MAGI2: variants seen among roughly 807,000 people sequenced by gnomAD.
MAGI2 encodes the protein membrane associated guanylate kinase, WW and PDZ domain containing 2.
A neutral mutation model predicts 133.3 loss-of-function variants in MAGI2; 35 were observed. The ratio of observed to expected loss-of-function variants is 0.26; its 90% confidence interval spans 0.20 to 0.35. MAGI2 has a LOEUF of 0.35. MAGI2 is among the 10% of genes least tolerant of loss of function. The pLI, the probability that MAGI2 is intolerant of heterozygous loss-of-function variation, is 1.00. For synonymous variants in MAGI2, 729 were observed against 710.6 expected, an observed-to-expected ratio of 1.03 and a Z score of -0.41; for missense variants, 1,636 against 1,863.4, an observed-to-expected ratio of 0.88 and a Z score of 2.25.
Position 79,365,867 on chromosome 7 carries a change from C to CAAAAAAAAA in MAGI2, c.301+87144_301+87152dup, listed in dbSNP as rs71095399. 5.9e-4 allele frequency among the ~76,000 whole-genome samples: 29 copies of CAAAAAAAAA among 48,862 alleles called. 2 individuals carry two copies. The highest frequency in any genetic ancestry group is 1.9e-3 in the African/African-American group (25 of 13,396). The allele number at this position is 48,862 out of a possible 152,430, so 32.1% of individuals were successfully genotyped here. On this transcript the variant is annotated intron_variant, in intron 1 of 21. Transcript: ENST00000354212. ...GGGTAATAGAGTGAGACTCTTGTCT[C>CAAAAAAAAA]AAAAAAAAAAAAAAAAAAAAAAAGT...
intron 3 of MAGI2, among the ~76,000 whole-genome samples, chr7:78,529,276 T>G (rs1386138152): frequency 6.6e-6 from 1 of 152,204 alleles, no homozygotes; most frequent in African/African-American, 2.4e-5. Flanking sequence ...CTTTGCTAAA[T>G]GTAATTGTCC....
chr7:78,844,099 A>T (rs992394471), intron 2 of MAGI2, among the ~76,000 whole-genome samples: 4 of 150,852 alleles, frequency 2.7e-5, no homozygotes, highest in Non-Finnish European at 5.9e-5. Flanking sequence ...TTTTTTCTGC[A>T]TTTACAGGCA....
At chr7:79,317,972 A>G (rs1266076300) in intron 1 of MAGI2, among the ~76,000 whole-genome samples, 1 of 152,132 alleles carries the variant, frequency 6.6e-6, no homozygotes, top group Non-Finnish European at 1.5e-5. Flanking sequence ...TTTGACCAGT[A>G]TTGATCACTC....
At chr7:78,075,625 C>A (rs376816822) in intron 21 of MAGI2, among the ~76,000 whole-genome samples, 1 of 152,150 alleles carries the variant, frequency 6.6e-6, no homozygotes, top group Non-Finnish European at 1.5e-5. Context: ...ATCTGCCCAC[C>A]TCGGCCTCCC....
intron 1 of MAGI2, among the ~76,000 whole-genome samples, chr7:79,352,519 A>T (rs1161987077): frequency 2.6e-5 from 4 of 152,166 alleles, no homozygotes; most frequent in African/African-American, 7.2e-5. Flanking sequence ...AGAAGCCCAG[A>T]CTCTGCTAAG....
intron 2 of MAGI2, among the ~76,000 whole-genome samples, chr7:78,949,264 C>A (rs1371948672): frequency 1.3e-5 from 2 of 152,084 alleles, no homozygotes; most frequent in African/African-American, 4.8e-5. Context: ...ATGTCTAGAG[C>A]ATAATAGAGT....
intron 21 of MAGI2, among the ~76,000 whole-genome samples, chr7:78,052,062 A>G (rs10236696): frequency 0.28 from 42,769 of 151,592 alleles, 7,297 homozygotes; most frequent in African/African-American, 0.49. Context: ...GTGGAGATGG[A>G]GTTTTGCCAT....
chr7:78,048,261 G>C (rs776805681), intron 21 of MAGI2, among the ~76,000 whole-genome samples: 14 of 152,202 alleles, frequency 9.2e-5, no homozygotes, highest in Non-Finnish European at 2.1e-4. Context: ...TGGGTTTATT[G>C]CTTTGCTTTT....
intron 1 of MAGI2, among the ~76,000 whole-genome samples, chr7:79,380,445 G>T (rs964348398): frequency 2.6e-5 from 4 of 151,788 alleles, no homozygotes; most frequent in South Asian, 4.1e-4. Context: ...GCAAAAGGAC[G>T]ATGCACATTA....
intron 2 of MAGI2, among the ~76,000 whole-genome samples, chr7:78,649,222 T>TAAAAAAA (rs1361378575): frequency 3.6e-4 from 16 of 45,036 alleles, no homozygotes; most frequent in East Asian, 1.5e-3. Flanking sequence ...TGACTTGTGG[T>TAAAAAAA]AAAAAAAAAA....
At position 78,132,939 on chromosome 7, in the gene MAGI2, G is replaced by T. The variant is rs746514736; in HGVS notation, c.3153C>A (p.Ile1051=). The change falls in exon 18 of 22, where the codon ATC becomes ATA. Residue 1051 remains isoleucine (I), a synonymous_variant. Transcript: ENST00000354212. ...QPSPATPNSP[I]AQPAPPQPLQ... is the part of the protein sequence containing the mutation. ...GTGGTTGAGGTGGTGCTGGCTGGGCGATGGGGCTGTTGGGGGTGGCTGGGC... is the reference window on the plus strand; with the variant it reads ...GTGGTTGAGGTGGTGCTGGCTGGGCTATGGGGCTGTTGGGGGTGGCTGGGC... 1 of 1,613,856 alleles carries T rather than the reference G, an allele frequency of 6.2e-7. No individual in the cohort carries two copies. The highest frequency in any genetic ancestry group is 8.5e-7 in the Non-Finnish European group (1 of 1,179,890).
chr7:78,634,345 T>C (rs1259961192), intron 2 of MAGI2, among the ~76,000 whole-genome samples: 1 of 152,158 alleles, frequency 6.6e-6, no homozygotes, highest in African/African-American at 2.4e-5. Context: ...CAAAACCTGA[T>C]TAGTAAGTAG....
chr7:78,070,985 T>G (rs1814626865), intron 21 of MAGI2, among the ~76,000 whole-genome samples: 1 of 152,136 alleles, frequency 6.6e-6, no homozygotes, highest in Non-Finnish European at 1.5e-5. Context: ...GTCTAATATA[T>G]TTTTATCAGA....
rs186765695 is a variant in MAGI2 at position 78,826,309 on chromosome 7, G to A, written c.418+180781C>T. Among the ~76,000 whole-genome samples, 905 of 146,822 alleles carry A rather than the reference G, an allele frequency of 6.2e-3. 5 individuals carry two copies. Among genetic ancestry groups the A allele is most frequent in the Non-Finnish European group, 8.0e-3 (537 of 67,374 alleles). On this transcript the variant is annotated intron_variant, in intron 2 of 21. Coordinates refer to ENST00000354212, the MANE Select transcript of MAGI2 (RefSeq NM_012301.4). ...GCGGAGCTTGCAGTAAGCCGAGATC[G>A]CGCCACTGCACTCAGCCTAGGCGAC...
chr7:78,456,479 A>T (rs1023632083), intron 6 of MAGI2, among the ~76,000 whole-genome samples: 3 of 152,190 alleles, frequency 2.0e-5, no homozygotes, highest in Non-Finnish European at 2.9e-5. Flanking sequence ...CACATACTCT[A>T]GGCTAAGCAT....
intron 6 of MAGI2, among the ~76,000 whole-genome samples, chr7:78,470,242 T>G (rs1791056980): frequency 6.6e-6 from 1 of 152,168 alleles, no homozygotes; most frequent in Non-Finnish European, 1.5e-5. Flanking sequence ...TCTTTGTAAG[T>G]AATATGCTAC....
At chr7:78,699,413 T>C (rs1249493282) in intron 2 of MAGI2, among the ~76,000 whole-genome samples, 2 of 152,134 alleles carry the variant, frequency 1.3e-5, no homozygotes, top group Non-Finnish European at 2.9e-5. Context: ...AAACTTTGTT[T>C]CATGCACAAA....
chr7:78,973,548 C>CTT (rs1240966857), intron 2 of MAGI2, among the ~76,000 whole-genome samples: 145 of 145,000 alleles, frequency 1.0e-3, no homozygotes, highest in African/African-American at 3.6e-3. Context: ...CTGCAAGAGA[C>CTT]TTTTTTTTTT....
intron 4 of MAGI2, among the ~76,000 whole-genome samples, chr7:78,510,823 G>A (rs762199497): frequency 3.9e-5 from 6 of 152,150 alleles, no homozygotes; most frequent in Non-Finnish European, 7.4e-5. Context: ...ACCTTTGAGA[G>A]CAACTGATTT....
Sources: gnomAD v4.1 joint callset for allele counts (sites outside exome capture counted in the v4.1 genomes callset) on GRCh38, gnomAD v4.1.1 for gene constraint, MANE v1.5 for transcripts, NCBI Gene and HGNC (gene_info 2026-07-23, HGNC 2026-07-21) for gene names.